DPYD: variants seen among roughly 807,000 people sequenced by gnomAD.
DPYD encodes the protein dihydropyrimidine dehydrogenase [NADP(+)].
DPYD carries 109 observed loss-of-function variants against 116.2 expected under a neutral mutation model. The ratio of observed to expected loss-of-function variants is 0.94; its 90% CI spans 0.80 to 1.10. The LOEUF (loss-of-function observed/expected upper bound fraction) is 1.10, where lower values mean the gene tolerates loss of function less well. Among genes scored for constraint, DPYD ranks in the 50% least tolerant of loss-of-function variants. The pLI is 0.00. For synonymous variants in DPYD, 440 were observed against 432.0 expected, an observed-to-expected ratio of 1.02 and a Z score of -0.23; for missense variants, 1,302 against 1,254.5, an observed-to-expected ratio of 1.04 and a Z score of -0.57.
intron 13 of DPYD, among the ~76,000 whole-genome samples, chr1:97,476,997 C>T (rs1467277113): frequency 6.6e-6 from 1 of 152,112 alleles, no homozygotes; most frequent in Non-Finnish European, 1.5e-5. Context: ...GAGTCAAAAC[C>T]TTTCTGCTGG....
chr1:97,757,997 C>G (rs1264503084), intron 3 of DPYD, among the ~76,000 whole-genome samples: 1 of 152,086 alleles, frequency 6.6e-6, no homozygotes, highest in South Asian at 2.1e-4. Flanking sequence ...AGAAATGGAG[C>G]GCCTGCCCCT....
chr1:97,102,398 T>TATATATATATATATATATAC, intron 20 of DPYD, among the ~76,000 whole-genome samples: 1 of 136,340 alleles, frequency 7.3e-6, no homozygotes, highest in Admixed American at 7.6e-5. Context: ...CTCAGTATCA[T>TATATATATATATATATATAC]ATATATATAT....
intron 2 of DPYD, among the ~76,000 whole-genome samples, chr1:97,864,285 G>T (rs1278023603): frequency 6.6e-6 from 1 of 151,888 alleles, no homozygotes; most frequent in Non-Finnish European, 1.5e-5. Context: ...GGCAGAGTGG[G>T]CTATATTAGA....
chr1:97,593,734 G>C (rs1654685043), intron 9 of DPYD, among the ~76,000 whole-genome samples: 1 of 151,920 alleles, frequency 6.6e-6, no homozygotes, highest in South Asian at 2.1e-4. Context: ...TTTTCCTTTT[G>C]CTAGAAGAAA....
intron 8 of DPYD, among the ~76,000 whole-genome samples, chr1:97,673,330 T>C (rs983977762): frequency 6.6e-6 from 1 of 152,104 alleles, no homozygotes; most frequent in Non-Finnish European, 1.5e-5. Context: ...ACTGCTAATA[T>C]CACTATTCCT....
chr1:97,330,530 A>AAAGCT (rs1282852099), intron 16 of DPYD, among the ~76,000 whole-genome samples: 1 of 152,188 alleles, frequency 6.6e-6, no homozygotes, highest in African/African-American at 2.4e-5. Context: ...GTAATAAGAC[A>AAAGCT]AAGCTACTTT....
At chr1:97,393,517 C>T (rs1338516478) in intron 14 of DPYD, among the ~76,000 whole-genome samples, 1 of 151,146 alleles carries the variant, frequency 6.6e-6, no homozygotes, top group Non-Finnish European at 1.5e-5. Flanking sequence ...TTGTTCAGTT[C>T]CCACCTATGA....
In DPYD at chr1:97,466,628, A is replaced by G. The variant is rs1248133136; in HGVS notation, c.1741-16405T>C. On this transcript the variant is annotated intron_variant, in intron 13 of 22. Transcript: ENST00000370192. The stretch of plus-strand genomic sequence containing the variant: ...TTAACATTCTGAAACATCCTATGAA[A>G]TGAGAGAACCTTTTTCAAAAATGTT... 7.9e-5 allele frequency among the ~76,000 whole-genome samples: 12 copies of G among 152,232 alleles called. No individual in the cohort carries two copies. The East Asian group carries it at 1.9e-3, about 25-fold the overall frequency.
At chr1:97,561,465 T>C (rs1652136624) in intron 11 of DPYD, among the ~76,000 whole-genome samples, 2 of 152,166 alleles carry the variant, frequency 1.3e-5, no homozygotes, top group African/African-American at 4.8e-5. Flanking sequence ...GCTGGATCTT[T>C]GGGTTAAAAT....
At chr1:97,764,261 C>A (rs1178073598) in intron 3 of DPYD, among the ~76,000 whole-genome samples, 1 of 151,918 alleles carries the variant, frequency 6.6e-6, no homozygotes, top group Non-Finnish European at 1.5e-5. Flanking sequence ...ATTATAAATG[C>A]ATAGTTAGAT....
At chr1:97,414,330 A>C (rs1674172452) in intron 14 of DPYD, among the ~76,000 whole-genome samples, 1 of 152,212 alleles carries the variant, frequency 6.6e-6, no homozygotes, top group East Asian at 1.9e-4. Context: ...TCACTGTATC[A>C]AAATACTATT....
intron 5 of DPYD, chr1:97,720,976 T>G (rs753504320): frequency 6.9e-6 from 11 of 1,589,492 alleles, no homozygotes; most frequent in Middle Eastern, 2.0e-4. Flanking sequence ...TCCTTATACA[T>G]TTTTTACCCA....
At chr1:97,195,606 G>GTA (rs1183304453) in intron 19 of DPYD, among the ~76,000 whole-genome samples, 2 of 85,782 alleles carry the variant, frequency 2.3e-5, no homozygotes, top group African/African-American at 8.2e-5. Context: ...GTGTGTGTGT[G>GTA]TATATATATG....
chr1:97,452,864 A>G (rs1462794979), intron 13 of DPYD, among the ~76,000 whole-genome samples: 1 of 152,104 alleles, frequency 6.6e-6, no homozygotes, highest in Admixed American at 6.6e-5. Flanking sequence ...CTGCAGAACC[A>G]TAAGCCAATT....
At chr1:97,664,895 G>C (rs1659476572) in intron 8 of DPYD, among the ~76,000 whole-genome samples, 1 of 152,042 alleles carries the variant, frequency 6.6e-6, no homozygotes, top group East Asian at 1.9e-4. Context: ...GGGGAAAAGA[G>C]AGCATACTTA....
At chr1:97,248,679 A>G (rs1451991727) in intron 18 of DPYD, among the ~76,000 whole-genome samples, 1 of 152,216 alleles carries the variant, frequency 6.6e-6, no homozygotes, top group Admixed American at 6.5e-5. Flanking sequence ...AACTGTAAGC[A>G]AAACAAGGGT....
At chr1:97,102,139 A>G (rs1650739909) in intron 20 of DPYD, among the ~76,000 whole-genome samples, 1 of 151,870 alleles carries the variant, frequency 6.6e-6, no homozygotes, top group African/African-American at 2.4e-5. Context: ...ATGAAGTAGA[A>G]AAGCGTTCTT....
chr1:97,293,841 G>A (rs1422025244), intron 18 of DPYD, among the ~76,000 whole-genome samples: 2 of 151,230 alleles, frequency 1.3e-5, no homozygotes, highest in Admixed American at 6.6e-5. Flanking sequence ...CCAGCTACTC[G>A]GGAAGCTGAG....
chr1:97,125,365 T>G (rs1174599766), intron 20 of DPYD, among the ~76,000 whole-genome samples: 1 of 152,124 alleles, frequency 6.6e-6, no homozygotes, highest in African/African-American at 2.4e-5. Flanking sequence ...ACCATAGATG[T>G]TCTGATGCAT....
Sources: allele counts gnomAD v4.1 joint callset (sites outside exome capture counted in the v4.1 genomes callset), GRCh38; gene constraint gnomAD v4.1.1; transcripts MANE v1.5; gene names NCBI Gene and HGNC (gene_info 2026-07-23, HGNC 2026-07-21).